The following ZNF469 variants were observed in gnomAD, a reference collection of about 807,000 sequenced individuals.
The protein encoded by ZNF469 is zinc finger protein 469.
In ZNF469, 1 loss-of-function variant was observed where a neutral mutation model predicts 1.0. The observed-to-expected ratio is 1.00, with a 90% CI of 0.35 to 4.73. The LOEUF is 4.73. ZNF469 is among the 30% of genes most tolerant of loss of function. The pLI is 0.16. For missense variants in ZNF469, 6,100 were observed against 5,356.3 expected, an observed-to-expected ratio of 1.14 and a Z score of -4.33; for synonymous variants, 2,703 against 2,363.4, an observed-to-expected ratio of 1.14 and a Z score of -4.17.
At chr16:88,311,779 C>A in the ZNF469 span, among the ~76,000 whole-genome samples, 6 of 152,178 alleles carry the variant, frequency 3.9e-5, no homozygotes, top group African/African-American at 1.4e-4. Flanking sequence ...ATTGAGTTGG[C>A]CAAGTCGTTC....
chr16:88,375,052 G>A, the ZNF469 span, among the ~76,000 whole-genome samples: 24 of 152,266 alleles, frequency 1.6e-4, no homozygotes, highest in Non-Finnish European at 3.5e-4. Context: ...GCTGGGGCAG[G>A]GCCCTGGAAG....
the ZNF469 span, among the ~76,000 whole-genome samples, chr16:88,173,106 A>T: frequency 1.3e-5 from 2 of 152,244 alleles, no homozygotes; most frequent in Non-Finnish European, 2.9e-5. Context: ...AAACCCACAG[A>T]TCTAAGAAGC....
At chr16:88,111,944 TTG>T in the ZNF469 span, among the ~76,000 whole-genome samples, 2 of 152,158 alleles carry the variant, frequency 1.3e-5, no homozygotes, top group African/African-American at 4.8e-5. Context: ...CAAAAACGTG[TTG>T]TTTTTCTTTC....
chr16:88,343,610 T>C, the ZNF469 span, among the ~76,000 whole-genome samples: 1 of 152,140 alleles, frequency 6.6e-6, no homozygotes. Flanking sequence ...AAGGGCCTTC[T>C]TGCTGGTGGG....
rs886052399 is a variant in ZNF469 at position 88,430,423 on chromosome 16, G to C, written c.2953G>C (p.Gly985Arg). ...CGGCCTGAGGCCCCGGAGGAACGAC[G>C]GTCTCGGGGAGCGGCCCCCACCCCG... is the stretch of plus-strand genomic sequence containing the variant. Reference protein sequence around the residue: ...ASGLRPRRNDGLGERPPPRPR... With the variant: ...ASGLRPRRNDRLGERPPPRPR... Residue 985 changes from glycine to arginine, a missense_variant, in exon 3 of 3, where the codon GGT (glycine) becomes CGT (arginine). Physicochemically the swap from Gly to Arg is moderately radical, Grantham distance 125. Transcript: ENST00000565624. 2 of 1,518,940 alleles carry C rather than the reference G, an allele frequency of 1.3e-6. No individual in the cohort carries two copies. The highest frequency in any genetic ancestry group is 1.2e-5 in the South Asian group (1 of 82,668). 94.1% of individuals were successfully genotyped at this position (1,518,940 alleles called of 1,614,324 possible).
the ZNF469 span, among the ~76,000 whole-genome samples, chr16:88,102,713 C>A: frequency 1.3e-5 from 2 of 152,206 alleles, no homozygotes; most frequent in Non-Finnish European, 2.9e-5. Flanking sequence ...TTGCAGACGC[C>A]GTACTTGGAT....
At chr16:88,408,491 A>C (rs1905070648) in intron 1 of ZNF469, among the ~76,000 whole-genome samples, 1 of 152,216 alleles carries the variant, frequency 6.6e-6, no homozygotes, top group Non-Finnish European at 1.5e-5. Context: ...GCAAGTTTTC[A>C]AGAAACAAAG....
At chr16:88,306,629 G>T in the ZNF469 span, among the ~76,000 whole-genome samples, 12 of 152,156 alleles carry the variant, frequency 7.9e-5, no homozygotes, top group Non-Finnish European at 1.0e-4. Flanking sequence ...CCCCATGACT[G>T]CCCGGCATTG....
intron 1 of ZNF469, among the ~76,000 whole-genome samples, chr16:88,415,698 C>T (rs1425600029): frequency 3.3e-5 from 5 of 152,318 alleles, no homozygotes; most frequent in South Asian, 4.1e-4. Flanking sequence ...GCTGGGTGCA[C>T]GTCCCAGCCC....
At chr16:88,101,590 G>C in the ZNF469 span, among the ~76,000 whole-genome samples, 1 of 151,030 alleles carries the variant, frequency 6.6e-6, no homozygotes, top group Admixed American at 6.6e-5. Context: ...GGAGGCAGAA[G>C]GGCTGGGTGC....
At chr16:88,122,130 G>A in the ZNF469 span, among the ~76,000 whole-genome samples, 14 of 146,106 alleles carry the variant, frequency 9.6e-5, 3 homozygotes, top group Non-Finnish European at 7.7e-5. Context: ...TGTGGCCACA[G>A]TGGCCACTCA....
the ZNF469 span, among the ~76,000 whole-genome samples, chr16:88,304,863 C>T: frequency 6.6e-6 from 1 of 152,178 alleles, no homozygotes; most frequent in Non-Finnish European, 1.5e-5. Context: ...CTGCCTGCAC[C>T]CTGGAGGCCA....
chr16:88,155,819 T>A, the ZNF469 span, among the ~76,000 whole-genome samples: 1 of 151,994 alleles, frequency 6.6e-6, no homozygotes, highest in Admixed American at 6.6e-5. Context: ...CACGGAGGAG[T>A]GGAATTGCTG....
chr16:88,264,870 T>G, the ZNF469 span, among the ~76,000 whole-genome samples: 2 of 152,154 alleles, frequency 1.3e-5, no homozygotes, highest in East Asian at 3.9e-4. Flanking sequence ...CTGCGCTGCT[T>G]TCCAGTGGGT....
chr16:88,352,122 C>T, the ZNF469 span, among the ~76,000 whole-genome samples: 1 of 151,884 alleles, frequency 6.6e-6, no homozygotes, highest in Non-Finnish European at 1.5e-5. Flanking sequence ...GGGCTGGGGG[C>T]GGGGGATGGA....
chr16:88,129,343 G>A, the ZNF469 span, among the ~76,000 whole-genome samples: 3 of 152,242 alleles, frequency 2.0e-5, no homozygotes, highest in African/African-American at 4.8e-5. Flanking sequence ...GGTCCTCGGT[G>A]AGTCTTGCCA....
chr16:88,179,641 G>A, the ZNF469 span, among the ~76,000 whole-genome samples: 4 of 152,340 alleles, frequency 2.6e-5, no homozygotes, highest in African/African-American at 9.6e-5. Context: ...GGGCCTGGAA[G>A]TCTGCCTTTT....
chr16:88,271,706 C>T, the ZNF469 span, among the ~76,000 whole-genome samples: 1 of 150,960 alleles, frequency 6.6e-6, no homozygotes, highest in Non-Finnish European at 1.5e-5. Context: ...GCAGGCAGGT[C>T]CAATGGAGAC....
the ZNF469 span, among the ~76,000 whole-genome samples, chr16:88,130,129 C>T: frequency 6.6e-6 from 1 of 152,178 alleles, no homozygotes; most frequent in Admixed American, 6.5e-5. Flanking sequence ...CCATCGGGCG[C>T]TGTTTGTGTC....
Sources: gnomAD v4.1 joint callset for allele counts (sites outside exome capture counted in the v4.1 genomes callset) on GRCh38, gnomAD v4.1.1 for gene constraint, MANE v1.5 for transcripts, NCBI Gene and HGNC (gene_info 2026-07-23, HGNC 2026-07-21) for gene names.